Variants in ALX4 observed in about 807,000 individuals in gnomAD.
The protein encoded by ALX4 is homeobox protein aristaless-like 4.
In ALX4, 22 loss-of-function variants were observed where a neutral mutation model predicts 40.6. That is an observed-to-expected ratio of 0.54 (90% CI 0.39 to 0.77). The LOEUF (loss-of-function observed/expected upper bound fraction) is 0.77, where lower values mean the gene tolerates loss of function less well. Among genes scored for constraint, ALX4 ranks in the 30% least tolerant of loss-of-function variants. The pLI, the probability that ALX4 is intolerant of heterozygous loss-of-function variation, is 0.00. For missense variants in ALX4, 556 were observed against 564.8 expected, an observed-to-expected ratio of 0.98 and a Z score of 0.16; for synonymous variants, 266 against 240.5, an observed-to-expected ratio of 1.11 and a Z score of -0.98.
chr11:44,269,428 G>T (rs182886527), intron 2 of ALX4, among the ~76,000 whole-genome samples: 54 of 152,354 alleles, frequency 3.5e-4, no homozygotes, highest in African/African-American at 1.3e-3. Context: ...TGTGAGGAGG[G>T]TGGGGGTGAG....
At chr11:44,302,813 C>T (rs1030078819) in intron 1 of ALX4, among the ~76,000 whole-genome samples, 1 of 152,200 alleles carries the variant, frequency 6.6e-6, no homozygotes, top group African/African-American at 2.4e-5. Flanking sequence ...TTTCCACCCA[C>T]CTTACCCCAG....
chr11:44,289,334 C>T (rs900682529), intron 1 of ALX4, among the ~76,000 whole-genome samples: 2 of 152,210 alleles, frequency 1.3e-5, no homozygotes, highest in Non-Finnish European at 2.9e-5. Context: ...AGCTCTCCAA[C>T]CAGGGCTGAT....
In ALX4 at chr11:44,310,095, G is replaced by A. The variant is rs1214628859; in HGVS notation, c.-33C>T. 2 of 1,549,212 alleles carry A rather than the reference G, an allele frequency of 1.3e-6. No individual in the cohort carries two copies. Among genetic ancestry groups the A allele is most frequent in the Admixed American group, 1.9e-5 (1 of 51,892 alleles). On this transcript the variant is annotated 5_prime_UTR_variant, in exon 1 of 4. Coordinates refer to ENST00000652299, the MANE Select transcript of ALX4 (RefSeq NM_021926.4). ...TTGCGCAGGCGGCGGGCGGGGACGC[G>A]AGCGAGGGCGCGAGGACGCCACCGC...
intron 1 of ALX4, among the ~76,000 whole-genome samples, chr11:44,295,760 A>G (rs1163692017): frequency 6.6e-6 from 1 of 152,216 alleles, no homozygotes; most frequent in Non-Finnish European, 1.5e-5. Flanking sequence ...TTAATAAAGG[A>G]AGTGGTCCCA....
chr11:44,268,749 C>T (rs1180875608), intron 2 of ALX4, among the ~76,000 whole-genome samples: 1 of 152,154 alleles, frequency 6.6e-6, no homozygotes, highest in Non-Finnish European at 1.5e-5. Context: ...GATCAGCTTC[C>T]AGGCCAGGAA....
chr11:44,297,772 G>T (rs552991204), intron 1 of ALX4, among the ~76,000 whole-genome samples: 3 of 152,062 alleles, frequency 2.0e-5, no homozygotes, highest in Non-Finnish European at 4.4e-5. Flanking sequence ...CTGTGCCCCT[G>T]CCATTCCTCA....
At chr11:44,309,482 A>G in intron 1 of ALX4, 115 bp downstream of exon 1, 1 of 1,494,060 alleles carries the variant, frequency 6.7e-7, no homozygotes, top group South Asian at 1.3e-5. Context: ...GACCAGAGTC[A>G]CCACCCCGCC....
At chr11:44,306,130 T>C (rs1010302869) in intron 1 of ALX4, among the ~76,000 whole-genome samples, 8 of 151,900 alleles carry the variant, frequency 5.3e-5, no homozygotes, top group African/African-American at 1.9e-4. Context: ...GAGGGGAGAA[T>C]GGTGAAGTCT....
chr11:44,285,627 T>C (rs1431616877), intron 1 of ALX4, among the ~76,000 whole-genome samples: 1 of 152,154 alleles, frequency 6.6e-6, no homozygotes, highest in East Asian at 1.9e-4. Context: ...TAATGGTCAT[T>C]ATAGTGTTTT....
At chr11:44,306,580 T>G (rs901981714) in intron 1 of ALX4, among the ~76,000 whole-genome samples, 3 of 152,256 alleles carry the variant, frequency 2.0e-5, no homozygotes, top group African/African-American at 7.2e-5. Flanking sequence ...CTCAGCTGCC[T>G]GCCTGAAGAC....
Position 44,265,160 on chromosome 11 carries a change from G to A in ALX4, c.930C>T (p.Gly310=). ...YAQIQNPSWL[G]NNGAASPVPA... ...GCACTGGTGAGGCAGCCCCGTTGTT[G>A]CCGAGCCAGGACGGGTTCTGAATCT... The change falls in exon 4 of 4, where the codon GGC becomes GGT. Residue 310 remains glycine, a synonymous_variant. Transcript: ENST00000652299. 1 of 1,605,358 alleles carries A rather than the reference G, an allele frequency of 6.2e-7. No individual in the cohort carries two copies. The highest frequency in any genetic ancestry group is 8.5e-7 in the Non-Finnish European group (1 of 1,174,782).
rs1212846127 is a variant in ALX4, at chr11:44,265,035, A to G, written c.1055T>C (p.Val352Ala). 1.2e-6 allele frequency: 2 copies of G among 1,613,096 alleles called. No individual in the cohort carries two copies. The highest frequency in any genetic ancestry group is 1.7e-6 in the Non-Finnish European group (2 of 1,179,924). ...GCCCACGTGACTGCCAGCCCCAGAC[A>G]CACTCAGGAAGTCGGTGACGCTGCT... ...GASSVTDFLS[V>A]SGAGSHVGQT... Residue 352 changes from valine (V) to alanine (A), a missense_variant, in exon 4 of 4, where the codon GTG becomes GCG. Transcript: ENST00000652299.
In ALX4 at chr11:44,265,144, A is replaced by G; in HGVS notation, c.946T>C (p.Ser316Pro). The G allele has an allele frequency of 6.2e-7, 1 of 1,606,990 alleles. No individual in the cohort carries two copies. Among genetic ancestry groups the G allele is most frequent in the African/African-American group, 1.3e-5 (1 of 74,932 alleles). Residue 316 changes from serine to proline, a missense_variant, in exon 4 of 4, where the codon TCA becomes CCA. Transcript: ENST00000652299. ...PSWLGNNGAA[S>P]PVPACVVPCD... ...GGGACCACGCAGGCTGGCACTGGTG[A>G]GGCAGCCCCGTTGTTGCCGAGCCAG...
chr11:44,292,444 T>G (rs1956375534), intron 1 of ALX4, among the ~76,000 whole-genome samples: 1 of 142,008 alleles, frequency 7.0e-6, no homozygotes, highest in Non-Finnish European at 1.5e-5. Flanking sequence ...GGTCTCAAAC[T>G]CCTGGATTCA....
chr11:44,292,609 T>C (rs1956376718), intron 1 of ALX4, among the ~76,000 whole-genome samples: 1 of 152,110 alleles, frequency 6.6e-6, no homozygotes, highest in African/African-American at 2.4e-5. Flanking sequence ...AAAATCCACA[T>C]TTACAACTAT....
intron 2 of ALX4, among the ~76,000 whole-genome samples, chr11:44,270,792 C>T (rs571864700): frequency 6.6e-6 from 1 of 152,240 alleles, no homozygotes; most frequent in Non-Finnish European, 1.5e-5. Flanking sequence ...TGGGCCCACT[C>T]AGCACAGGCC....
At chr11:44,271,086 T>G (rs1298487676) in intron 2 of ALX4, among the ~76,000 whole-genome samples, 1 of 152,184 alleles carries the variant, frequency 6.6e-6, no homozygotes, top group Non-Finnish European at 1.5e-5. Flanking sequence ...GCACCTGGCT[T>G]GCCACCAGCT....
intron 1 of ALX4, among the ~76,000 whole-genome samples, chr11:44,275,999 C>G (rs1956275890): frequency 6.6e-6 from 1 of 152,210 alleles, no homozygotes; most frequent in African/African-American, 2.4e-5. Context: ...TAGAGGGATT[C>G]CCTGCATCAG....
intron 1 of ALX4, among the ~76,000 whole-genome samples, chr11:44,281,471 T>C (rs1011415185): frequency 2.0e-5 from 3 of 152,168 alleles, no homozygotes; most frequent in African/African-American, 7.2e-5. Flanking sequence ...TTATCCTCCA[T>C]GGTTTTGATT....
Sources: allele counts gnomAD v4.1 joint callset (sites outside exome capture counted in the v4.1 genomes callset), GRCh38; gene constraint gnomAD v4.1.1; transcripts MANE v1.5; gene names NCBI Gene and HGNC (gene_info 2026-07-23, HGNC 2026-07-21).